The following SREK1IP1 variants were observed in gnomAD, a reference collection of about 807,000 sequenced individuals.
The protein encoded by SREK1IP1 is protein SREK1IP1.
A neutral mutation model predicts 22.8 loss-of-function variants in SREK1IP1; 12 were observed. The ratio of observed to expected loss-of-function variants is 0.53; its 90% CI spans 0.34 to 0.85. The LOEUF (loss-of-function observed/expected upper bound fraction) is 0.85. Ranked by LOEUF, SREK1IP1 falls within the 40% of genes least tolerant of loss-of-function variation. The probability of loss-of-function intolerance (pLI) is 0.02; values close to 1 mark genes in which losing one functional copy is unlikely to be tolerated. For synonymous variants in SREK1IP1, 53 were observed against 52.7 expected (o/e 1.01, Z -0.02); for missense variants, 147 against 171.8 (o/e 0.86, Z 0.81).
At chr5:64,750,198 T>A (rs1260842507) in intron 2 of SREK1IP1, among the ~76,000 whole-genome samples, 2 of 152,204 alleles carry the variant, frequency 1.3e-5, no homozygotes, top group Admixed American at 6.5e-5. Context: ...TGCAACTGTT[T>A]TATCTCTGAA....
At chr5:64,752,205 G>C (rs561655200) in intron 2 of SREK1IP1, among the ~76,000 whole-genome samples, 1 of 136,286 alleles carries the variant, frequency 7.3e-6, no homozygotes, top group Non-Finnish European at 1.5e-5. Context: ...AGGCTGGAGT[G>C]CAGTGGCGCA....
chr5:64,727,714 T>C, intron 4 of SREK1IP1: 1 of 152,646 alleles, frequency 6.6e-6, no homozygotes, highest in Non-Finnish European at 1.5e-5. Context: ...TTGGATAATT[T>C]TTCTTTTACT....
intron 1 of SREK1IP1, among the ~76,000 whole-genome samples, chr5:64,754,927 G>A (rs1407421253): frequency 6.6e-6 from 1 of 151,698 alleles, no homozygotes; most frequent in East Asian, 1.9e-4. Context: ...AATAAAATAA[G>A]ACAAACACAT....
At chr5:64,754,406 C>A in intron 1 of SREK1IP1, 44 bp from the exon 2 acceptor site, 2 of 1,568,898 alleles carry the variant, frequency 1.3e-6, no homozygotes, top group South Asian at 1.1e-5. Context: ...AATAAATATG[C>A]GAAAACTTAA....
intron 3 of SREK1IP1, among the ~76,000 whole-genome samples, chr5:64,730,592 GAT>G (rs377266925): frequency 1.3e-5 from 2 of 151,820 alleles, no homozygotes; most frequent in Non-Finnish European, 2.9e-5. Context: ...AAGAAAGATG[GAT>G]ATATATATAT....
At chr5:64,767,340 C>T (rs1040674073) in intron 1 of SREK1IP1, among the ~76,000 whole-genome samples, 1 of 152,210 alleles carries the variant, frequency 6.6e-6, no homozygotes, top group Non-Finnish European at 1.5e-5. Flanking sequence ...GTAAATTTCT[C>T]TCTCTTCACT....
intron 2 of SREK1IP1, 63 bp downstream of exon 2, chr5:64,754,252 G>T: frequency 6.6e-7 from 1 of 1,507,266 alleles, no homozygotes; most frequent in Non-Finnish European, 9.2e-7. Flanking sequence ...ACATTATATT[G>T]CCCAAAGAGG....
intron 3 of SREK1IP1, among the ~76,000 whole-genome samples, chr5:64,729,862 T>C (rs558937523): frequency 6.6e-6 from 1 of 152,234 alleles, no homozygotes; most frequent in South Asian, 2.1e-4. Flanking sequence ...ATTTTAGACA[T>C]TTGAGATCTA....
Position 64,724,538 on chromosome 5 carries a change from G to C in SREK1IP1, c.314C>G (p.Ser105Ter). The change falls in exon 5 of 5, where the codon TCA becomes TGA. Residue 105 changes from serine to a stop codon, truncating the protein, a stop_gained. Coordinates refer to ENST00000513458, the MANE Select transcript of SREK1IP1 (RefSeq NM_173829.4). LOFTEE classifies it high-confidence loss of function. ...CTGATATTTTTGTTTCTTTTGTTTT[G>C]AAGTGTCCTCTTCAGTGGAACTGGA... ...YSSSSTEEDT[S>*]KQKKQKYQKK... 1.3e-6 allele frequency: 2 copies of C among 1,561,638 alleles called. No homozygotes were observed. The highest frequency in any genetic ancestry group is 1.7e-6 in the Non-Finnish European group (2 of 1,162,316).
intron 4 of SREK1IP1, 166 bp downstream of exon 4, chr5:64,727,941 T>C (rs767153667): frequency 4.9e-6 from 3 of 612,430 alleles, no homozygotes; most frequent in Non-Finnish European, 6.5e-6. Flanking sequence ...ATTTCATGTA[T>C]ATGAAGACAA....
At chr5:64,757,601 T>C (rs1196285359) in intron 1 of SREK1IP1, among the ~76,000 whole-genome samples, 2 of 152,086 alleles carry the variant, frequency 1.3e-5, no homozygotes, top group African/African-American at 4.8e-5. Context: ...CACATACATC[T>C]CAAAACATTT....
chr5:64,724,468 C>T lies in SREK1IP1; in HGVS notation c.384G>A (p.Gly128=). The T allele has an allele frequency of 6.3e-7, 1 of 1,590,292 alleles. No homozygotes were observed. The highest frequency in any genetic ancestry group is 8.5e-7 in the Non-Finnish European group (1 of 1,172,576). ...KKEKKSKSKK[G]KHHKKEKKKR... ...TCTTTTTTTCCTTTTTGTGATGTTTCCCTTTTTTTGATTTACTCTTTTTTT... is the reference window on the plus strand; with the variant it reads ...TCTTTTTTTCCTTTTTGTGATGTTTTCCTTTTTTTGATTTACTCTTTTTTT... The change falls in exon 5 of 5, where the codon GGG becomes GGA. Residue 128 remains glycine (G), a synonymous_variant. Transcript: ENST00000513458.
At position 64,723,540 on chromosome 5, in the gene SREK1IP1, C is replaced by T. The variant is rs900883100; in HGVS notation, c.*844G>A. 1.3e-5 allele frequency: 2 copies of T among 152,502 alleles called. No individual in the cohort carries two copies. Among genetic ancestry groups the T allele is most frequent in the African/African-American group, 4.8e-5 (2 of 41,416 alleles). 9.4% of individuals were successfully genotyped at this position (152,502 alleles called of 1,614,324 possible). On this transcript the variant is annotated 3_prime_UTR_variant, in exon 5 of 5. Transcript: ENST00000513458. Reference sequence around the variant, plus strand: ...TTCTAATAAAGATTTAGCTATCTTCCTAAATAAAAATTTCTGTGTTTGAGG... The same window carrying T: ...TTCTAATAAAGATTTAGCTATCTTCTTAAATAAAAATTTCTGTGTTTGAGG...
intron 1 of SREK1IP1, among the ~76,000 whole-genome samples, chr5:64,756,761 G>T (rs568841216): frequency 1.1e-4 from 17 of 151,872 alleles, no homozygotes. Context: ...TGAGTAGCTG[G>T]GACTACAGGC....
chr5:64,731,592 C>T (rs548591049), intron 3 of SREK1IP1, among the ~76,000 whole-genome samples: 2 of 148,620 alleles, frequency 1.3e-5, no homozygotes, highest in African/African-American at 2.5e-5. Context: ...AGATATAGGA[C>T]GACAATAAAA....
chr5:64,744,044 A>C (rs13165926), intron 2 of SREK1IP1, among the ~76,000 whole-genome samples: 33,586 of 152,078 alleles, frequency 0.22, 4,247 homozygotes, highest in South Asian at 0.4. Flanking sequence ...ATAAGATCTC[A>C]GGAACCGGGC....
Position 64,768,648 on chromosome 5 carries a change from C to A in SREK1IP1, c.-131G>T. 5 of 1,321,326 alleles carry A rather than the reference C, an allele frequency of 3.8e-6. No homozygotes were observed. The highest frequency in any genetic ancestry group is 3.7e-5 in the South Asian group (3 of 81,194). 81.9% of individuals were successfully genotyped at this position (1,321,326 alleles called of 1,614,324 possible). ...AGCGCAGCAGCACCCTCGCTACGGTCGGGAAGGGCCTGTACGCCTCTAGCG... is the reference window on the plus strand; with the variant it reads ...AGCGCAGCAGCACCCTCGCTACGGTAGGGAAGGGCCTGTACGCCTCTAGCG... On this transcript the variant is annotated 5_prime_UTR_variant, in exon 1 of 5. Coordinates refer to ENST00000513458, the MANE Select transcript of SREK1IP1 (RefSeq NM_173829.4).
chr5:64,756,923 G>C lies in SREK1IP1; in HGVS notation c.14-2561C>G, dbSNP rs570595338. Among the ~76,000 whole-genome samples, 8 of 152,108 alleles carry C rather than the reference G, an allele frequency of 5.3e-5. 1 individual carries two copies. Among genetic ancestry groups the C allele is most frequent in the African/African-American group, 1.9e-4 (8 of 41,506 alleles). The stretch of plus-strand genomic sequence containing the variant: ...TTACAGGTATTATTCCATTTTCCTG[G>C]TAAAGGGCATATAATTCCCAAACCC... On this transcript the variant is annotated intron_variant, in intron 1 of 4. Transcript: ENST00000513458.
chr5:64,741,029 C>T (rs974705094), intron 3 of SREK1IP1, 28 bp downstream of exon 3: 12 of 1,591,996 alleles, frequency 7.5e-6, no homozygotes, highest in Non-Finnish European at 1.0e-5. Context: ...ACAAACATTT[C>T]TAAAGAATGG....
Sources: allele counts gnomAD v4.1 joint callset (sites outside exome capture counted in the v4.1 genomes callset), GRCh38; gene constraint gnomAD v4.1.1; transcripts MANE v1.5; gene names NCBI Gene and HGNC (gene_info 2026-07-23, HGNC 2026-07-21).